Variants in CTNNA2 observed in about 807,000 individuals in gnomAD.
CTNNA2 encodes catenin alpha-2.
In CTNNA2, 42 loss-of-function variants were observed where a neutral mutation model predicts 101.0. The observed-to-expected ratio is 0.42, with a 90% CI of 0.32 to 0.54. CTNNA2 has a LOEUF of 0.54. CTNNA2 is among the 20% of genes least tolerant of loss of function. CTNNA2 has a pLI of 0.14. For synonymous variants in CTNNA2, 450 were observed against 456.4 expected (o/e 0.99, Z 0.18); for missense variants, 871 against 1,223.1 (o/e 0.71, Z 4.29).
chr2:79,235,767 G>A (rs1435783468), intron 2 of CTNNA2, among the ~76,000 whole-genome samples: 2 of 152,328 alleles, frequency 1.3e-5, no homozygotes, highest in East Asian at 3.9e-4. Flanking sequence ...CTGTCCGGAT[G>A]CTTCACAAGG....
At chr2:80,307,465 T>TAAAAAAGGA (rs1368759808) in intron 7 of CTNNA2, among the ~76,000 whole-genome samples, 1 of 151,654 alleles carries the variant, frequency 6.6e-6, no homozygotes, top group African/African-American at 2.4e-5. Context: ...TCCAATGAAC[T>TAAAAAAGGA]AAAAAAGGAA....
At chr2:80,165,662 T>C (rs2148953369) in intron 7 of CTNNA2, among the ~76,000 whole-genome samples, 1 of 152,286 alleles carries the variant, frequency 6.6e-6, no homozygotes, top group Admixed American at 6.5e-5. Flanking sequence ...GACATCTTAG[T>C]GGGGATGACC....
At chr2:79,277,383 T>A (rs1392819918) in intron 2 of CTNNA2, among the ~76,000 whole-genome samples, 1 of 152,028 alleles carries the variant, frequency 6.6e-6, no homozygotes, top group African/African-American at 2.4e-5. Flanking sequence ...AATTCCAATA[T>A]CAGCCATAGG....
Position 79,874,226 on chromosome 2 carries a change from C to T in CTNNA2, c.736C>T (p.Gln246Ter). ...AGCCAACCGAGATTATGTGTTCAAA[C>T]AAGTCCAGGAGGCCATCGCCGGCAT... ...TRANRDYVFK[Q>*]VQEAIAGISN... Residue 246 changes from glutamine (Q) to a stop codon, truncating the protein, a stop_gained, in exon 6 of 19, where the codon CAA becomes TAA. Coordinates refer to ENST00000402739, the MANE Select transcript of CTNNA2 (RefSeq NM_001282597.3). LOFTEE classifies it high-confidence loss of function. 2 of 1,614,124 alleles carry T rather than the reference C, an allele frequency of 1.2e-6. No homozygotes were observed. The highest frequency in any genetic ancestry group is 1.7e-6 in the Non-Finnish European group (2 of 1,180,054).
At chr2:79,545,738 G>GA in intron 1 of CTNNA2, among the ~76,000 whole-genome samples, 1 of 152,148 alleles carries the variant, frequency 6.6e-6, no homozygotes, top group East Asian at 1.9e-4. Context: ...GGCAAATCAG[G>GA]AGTGAAAGTG....
rs113417465 is a variant in CTNNA2, at chr2:80,331,063, A to C, written c.1057-62148A>C. ...TTCCTTCCCCGGCTGCATCCACTAA[A>C]GGCTTTCAGAATTAGCAGTTTGTGA... On this transcript the variant is annotated intron_variant, in intron 7 of 18. Coordinates refer to ENST00000402739, the MANE Select transcript of CTNNA2 (RefSeq NM_001282597.3). 5.1e-4 allele frequency among the ~76,000 whole-genome samples: 76 copies of C among 150,216 alleles called. 1 individual carries two copies. Among genetic ancestry groups the C allele is most frequent in the African/African-American group, 1.7e-3 (70 of 40,582 alleles).
At chr2:80,612,310 C>T (rs1698532273) in intron 17 of CTNNA2, among the ~76,000 whole-genome samples, 1 of 151,410 alleles carries the variant, frequency 6.6e-6, no homozygotes, top group Non-Finnish European at 1.5e-5. Context: ...TAATTACAAT[C>T]AACATGAATA....
chr2:79,928,549 A>G (rs1368559859), intron 7 of CTNNA2, among the ~76,000 whole-genome samples: 1 of 152,182 alleles, frequency 6.6e-6, no homozygotes, highest in East Asian at 1.9e-4. Context: ...TATTTTGTTG[A>G]TTAAGATGAA....
At chr2:79,603,545 A>G (rs191060772) in intron 1 of CTNNA2, among the ~76,000 whole-genome samples, 31 of 151,936 alleles carry the variant, frequency 2.0e-4, no homozygotes, top group Non-Finnish European at 4.0e-4. Context: ...CATAGTAATA[A>G]TGGAAGCAAT....
intron 7 of CTNNA2, among the ~76,000 whole-genome samples, chr2:79,916,292 T>C (rs1483820919): frequency 1.3e-5 from 2 of 152,138 alleles, no homozygotes; most frequent in Non-Finnish European, 2.9e-5. Context: ...CTAATGAGAT[T>C]GGTAGCTTCA....
intron 8 of CTNNA2, among the ~76,000 whole-genome samples, chr2:80,409,239 T>C (rs960442257): frequency 6.6e-6 from 1 of 151,686 alleles, no homozygotes; most frequent in Non-Finnish European, 1.5e-5. Flanking sequence ...CATTGGGCAA[T>C]AGAAAGAATG....
At chr2:80,537,054 C>A (rs1691099955) in intron 9 of CTNNA2, among the ~76,000 whole-genome samples, 1 of 152,082 alleles carries the variant, frequency 6.6e-6, no homozygotes, top group Non-Finnish European at 1.5e-5. Flanking sequence ...AGGTATTTGT[C>A]CTAATGCTTT....
At chr2:80,080,610 A>T (rs2148801714) in intron 7 of CTNNA2, among the ~76,000 whole-genome samples, 1 of 152,246 alleles carries the variant, frequency 6.6e-6, no homozygotes, top group Middle Eastern at 3.4e-3. Context: ...TGTGGTTGAG[A>T]CTTCCCTGTT....
At chr2:80,606,412 A>ACACAC (rs1011187162) in intron 16 of CTNNA2, among the ~76,000 whole-genome samples, 7 of 48,652 alleles carry the variant, frequency 1.4e-4, no homozygotes, top group African/African-American at 8.4e-4. Flanking sequence ...ACACACACAC[A>ACACAC]CCCCCCAGGA....
rs751933388 is a variant in CTNNA2, at chr2:79,327,822, C to G, written c.-318+15026C>G. 1.2e-4 allele frequency among the ~76,000 whole-genome samples: 19 copies of G among 152,304 alleles called. 1 individual carries two copies. Among genetic ancestry groups the G allele is most frequent in the Non-Finnish European group, 2.1e-4 (14 of 68,026 alleles). On this transcript the variant is annotated intron_variant, in intron 3 of 21. Coordinates refer to the CTNNA2 transcript ENST00000466387. ...GCAGAAGGGGCAGGGGGATGGCAAG[C>G]TGCCTCCCTGCCATTAACATTCACA...
At chr2:80,250,202 A>AGTGTGT (rs1344701609) in intron 7 of CTNNA2, among the ~76,000 whole-genome samples, 172 of 142,264 alleles carry the variant, frequency 1.2e-3, no homozygotes, top group African/African-American at 4.7e-3. Context: ...AGAGAGAGAG[A>AGTGTGT]GAGTGTGTGT....
intron 4 of CTNNA2, among the ~76,000 whole-genome samples, chr2:79,429,007 C>T (rs1184549226): frequency 6.6e-6 from 1 of 152,154 alleles, no homozygotes; most frequent in Non-Finnish European, 1.5e-5. Flanking sequence ...AAACAAACTT[C>T]CTGTGATTTC....
At chr2:79,925,992 G>A (rs1052540156) in intron 7 of CTNNA2, among the ~76,000 whole-genome samples, 2 of 151,974 alleles carry the variant, frequency 1.3e-5, no homozygotes, top group African/African-American at 2.4e-5. Context: ...GATTACGATA[G>A]AATAGAGAAG....
intron 9 of CTNNA2, among the ~76,000 whole-genome samples, chr2:80,543,676 T>C (rs577668437): frequency 3.3e-5 from 5 of 152,296 alleles, no homozygotes; most frequent in Non-Finnish European, 7.4e-5. Flanking sequence ...TGGTTGAACT[T>C]CCTGATCTCC....
Sources: gnomAD v4.1 joint callset for allele counts (sites outside exome capture counted in the v4.1 genomes callset) on GRCh38, gnomAD v4.1.1 for gene constraint, MANE v1.5 for transcripts, NCBI Gene and HGNC (gene_info 2026-07-23, HGNC 2026-07-21) for gene names.